Variants in ELFN2 observed in about 807,000 individuals in gnomAD.
ELFN2 encodes the protein extracellular leucine rich repeat and fibronectin type III domain containing 2.
In ELFN2, 17 loss-of-function variants were observed where a neutral mutation model predicts 45.5. The observed-to-expected ratio is 0.37, with a 90% CI of 0.26 to 0.56. The LOEUF (loss-of-function observed/expected upper bound fraction) is 0.56, where lower values mean the gene tolerates loss of function less well. ELFN2 is among the 20% of genes least tolerant of loss of function. The pLI is 0.77. For synonymous variants in ELFN2, 550 were observed against 551.5 expected, an observed-to-expected ratio of 1.00 and a Z score of 0.04; for missense variants, 922 against 1,183.2, an observed-to-expected ratio of 0.78 and a Z score of 3.24.
intron 2 of ELFN2, among the ~76,000 whole-genome samples, chr22:37,398,348 T>A (rs1371095194): frequency 1.3e-5 from 2 of 152,126 alleles, no homozygotes; most frequent in Non-Finnish European, 2.9e-5. Flanking sequence ...TCGTAGGGAC[T>A]GTTCCAGCCA....
At chr22:37,413,066 CTA>C (rs1424329584) in intron 2 of ELFN2, among the ~76,000 whole-genome samples, 2 of 152,176 alleles carry the variant, frequency 1.3e-5, no homozygotes, top group African/African-American at 4.8e-5. Context: ...GTGACACTCC[CTA>C]TGCTGCAGGG....
At chr22:37,424,285 TC>T (rs1932831917) in intron 1 of ELFN2, among the ~76,000 whole-genome samples, 3 of 148,834 alleles carry the variant, frequency 2.0e-5, no homozygotes, top group Admixed American at 2.0e-4. Context: ...CTGACCTCTG[TC>T]ACACACAGCC....
intron 2 of ELFN2, among the ~76,000 whole-genome samples, chr22:37,405,659 A>T (rs1324203753): frequency 1.3e-5 from 2 of 152,130 alleles, no homozygotes; most frequent in Non-Finnish European, 2.9e-5. Context: ...TGAACTGACC[A>T]CCACGTGATC....
chr22:37,419,631 C>T (rs1055428797), intron 1 of ELFN2, among the ~76,000 whole-genome samples: 21 of 152,162 alleles, frequency 1.4e-4, no homozygotes, highest in Non-Finnish European at 1.6e-4. Context: ...CCCAGAAAAA[C>T]GTGCCCAGGG....
chr22:37,422,652 A>G lies in ELFN2; in HGVS notation c.-614+4646T>C, dbSNP rs933490738. 2.6e-5 allele frequency among the ~76,000 whole-genome samples: 4 copies of G among 152,170 alleles called. No homozygotes were observed. In the East Asian group the frequency reaches 7.8e-4, roughly 30 times the overall value. On this transcript the variant is annotated intron_variant, in intron 1 of 2. Transcript: ENST00000402918. Reference sequence around the variant, plus strand: ...TCTGTCACCCAGGCTGGAGTGCAGTAGCACAATCTCGGCTCACTGCAACCT... The same window carrying G: ...TCTGTCACCCAGGCTGGAGTGCAGTGGCACAATCTCGGCTCACTGCAACCT...
downstream of ELFN2, chr22:37,367,822 G>A (rs5756654): frequency 0.34 from 52,175 of 152,050 alleles, 9,236 homozygotes; most frequent in South Asian, 0.51. Context: ...TTCCTTGACC[G>A]CAGGCAGTGA....
At chr22:37,366,074 G>A (rs573533684), downstream of ELFN2, among the ~76,000 whole-genome samples, 86 of 152,244 alleles carry the variant, frequency 5.6e-4, no homozygotes, top group African/African-American at 2.0e-3. Context: ...GCGTTTGCTC[G>A]GTTTTCAAAT....
At chr22:37,358,135 G>A (rs8142307) in intron 1 of ELFN2, among the ~76,000 whole-genome samples, 41,372 of 151,864 alleles carry the variant, frequency 0.27, 6,001 homozygotes, top group Middle Eastern at 0.35. Flanking sequence ...TGGCCAGTAC[G>A]GGAGAGCACA....
chr22:37,378,660 G>A (rs1045610296), intron 2 of ELFN2, among the ~76,000 whole-genome samples: 1 of 152,370 alleles, frequency 6.6e-6, no homozygotes, highest in East Asian at 1.9e-4. Context: ...TCTCCAGGAT[G>A]GCTTGGGCTG....
chr22:37,364,816 G>A (rs2145624707), downstream of ELFN2, among the ~76,000 whole-genome samples: 1 of 152,344 alleles, frequency 6.6e-6, no homozygotes, highest in East Asian at 1.9e-4. Context: ...AAGGAGGCTG[G>A]GGCTGGGCGG....
intron 2 of ELFN2, among the ~76,000 whole-genome samples, chr22:37,390,894 G>C (rs1932070760): frequency 1.3e-5 from 2 of 152,214 alleles, no homozygotes; most frequent in South Asian, 4.1e-4. Context: ...GGAGGCCCAG[G>C]CAGAGACCTG....
At chr22:37,421,645 T>G (rs1932809923) in intron 1 of ELFN2, among the ~76,000 whole-genome samples, 1 of 152,168 alleles carries the variant, frequency 6.6e-6, no homozygotes, top group Non-Finnish European at 1.5e-5. Context: ...GGCCCAGCAT[T>G]TCTCCCTGGG....
chr22:37,396,339 C>T (rs1258768324), intron 2 of ELFN2, among the ~76,000 whole-genome samples: 4 of 152,318 alleles, frequency 2.6e-5, no homozygotes, highest in Non-Finnish European at 2.9e-5. Context: ...GGCTGTGTCC[C>T]CACCATGTCC....
intron 1 of ELFN2, among the ~76,000 whole-genome samples, chr22:37,358,855 A>G (rs2145620173): frequency 6.6e-6 from 1 of 152,262 alleles, no homozygotes; most frequent in East Asian, 1.9e-4. Context: ...GATTGAGATG[A>G]GTTGTCAAGA....
In ELFN2 at chr22:37,417,431, T is replaced by C. The variant is rs1932771682; in HGVS notation, c.-463+338A>G. On this transcript the variant is annotated intron_variant, in intron 2 of 2. Transcript: ENST00000402918. The surrounding 1 kb of genome is among the most constrained non-coding windows in gnomAD (Gnocchi z 4.5). ...CCCCAGCAGGTGCACAGATGCCCCC[T>C]GACCTGCTGGAGTGCAGACTAAGCC... 6.6e-6 allele frequency among the ~76,000 whole-genome samples: 1 copy of C among 152,154 alleles called. No individual in the cohort carries two copies. The highest frequency in any genetic ancestry group is 1.5e-5 in the Non-Finnish European group (1 of 68,010).
At chr22:37,382,032 G>A (rs1931796860) in intron 2 of ELFN2, among the ~76,000 whole-genome samples, 1 of 150,840 alleles carries the variant, frequency 6.6e-6, no homozygotes, top group African/African-American at 2.4e-5. Flanking sequence ...CCTGTGATGG[G>A]GTGCTCATGA....
At chr22:37,386,374 C>T (rs1931946906) in intron 2 of ELFN2, among the ~76,000 whole-genome samples, 1 of 152,202 alleles carries the variant, frequency 6.6e-6, no homozygotes, top group Non-Finnish European at 1.5e-5. Context: ...CGCCCCCAGC[C>T]CCCTGTCCCT....
chr22:37,398,599 G>A (rs919478190), intron 2 of ELFN2, among the ~76,000 whole-genome samples: 19 of 151,838 alleles, frequency 1.3e-4, no homozygotes, highest in African/African-American at 4.1e-4. Flanking sequence ...CACTCACATC[G>A]CCGCCCTGCT....
exon 3 of ELFN2, chr22:37,340,809 G>A (rs35292354): frequency 0.17 from 25,228 of 152,190 alleles, 2,210 homozygotes; most frequent in East Asian, 0.28. Flanking sequence ...CTCTGCAGGC[G>A]CGGCAAACCT....
Sources: allele counts gnomAD v4.1 joint callset (sites outside exome capture counted in the v4.1 genomes callset), GRCh38; gene constraint gnomAD v4.1.1; non-coding constraint Gnocchi (gnomAD v3.1); transcripts MANE v1.5; gene names NCBI Gene and HGNC (gene_info 2026-07-23, HGNC 2026-07-21).